TMEM63A: variants seen among roughly 807,000 people sequenced by gnomAD.
TMEM63A encodes the protein transmembrane protein 63A.
Under a neutral mutation model 100.6 loss-of-function variants are expected in TMEM63A, and 76 were observed. The observed-to-expected ratio is 0.76, with a 90% confidence interval of 0.63 to 0.91. The LOEUF is 0.91. TMEM63A is among the 40% of genes least tolerant of loss of function. The pLI is 0.00. For missense variants in TMEM63A, 876 were observed against 1,008.8 expected, an observed-to-expected ratio of 0.87 and a Z score of 1.78; for synonymous variants, 401 against 401.1, an observed-to-expected ratio of 1.00 and a Z score of 0.00.
rs113592254 is a variant in TMEM63A, at chr1:225,862,988, C to T, written c.747-137G>A. 3.3e-4 allele frequency: 251 copies of T among 759,456 alleles called. No homozygotes were observed. The African/African-American group carries it at 4.1e-3, about 12-fold the overall frequency. 47.0% of individuals were successfully genotyped at this position (759,456 alleles called of 1,614,324 possible). A position where few individuals can be genotyped will look rare whatever the true frequency, so the allele number is the denominator to read the frequency against. ...GGTTTCTGTGCCAGCGGAGACCTCT[C>T]TTCTCTTTGTCTTTTATCCTCCAAA... On this transcript the variant is annotated intron_variant, in intron 10 of 24. Coordinates refer to ENST00000366835, the MANE Select transcript of TMEM63A (RefSeq NM_014698.3). This position sits in a 1 kb window ranked among gnomAD's most constrained non-coding sequence, Gnocchi z 5.1.
Position 225,862,423 on chromosome 1 carries a change from C to A in TMEM63A, c.951+32G>T, listed in dbSNP as rs753949656. ...ATCTGGGGCACCCCGATGCCAATGC[C>A]TCTGCTCCCAGCCGGGGGGTGGGAC... On this transcript the variant is annotated intron_variant, in intron 12 of 24. Transcript: ENST00000366835. The surrounding 1 kb of genome is among the most constrained non-coding windows in gnomAD (Gnocchi z 5.1). 6.2e-7 allele frequency: 1 copy of A among 1,613,800 alleles called. No individual in the cohort carries two copies. The highest frequency in any genetic ancestry group is 8.5e-7 in the Non-Finnish European group (1 of 1,179,814).
Position 225,849,996 on chromosome 1 carries a change from T to G in TMEM63A, c.1987A>C (p.Ile663Leu). 6.2e-7 allele frequency: 1 copy of G among 1,614,162 alleles called. No homozygotes were observed. Among genetic ancestry groups the G allele is most frequent in the Non-Finnish European group, 8.5e-7 (1 of 1,180,038 alleles). The change falls in exon 21 of 25, where the codon ATC becomes CTC. Residue 663 changes from isoleucine (I) to leucine (L), a missense_variant. Ile to Leu is a conservative substitution (Grantham distance 5). This residue lies in a region of TMEM63A where 339 missense variants were observed against 342.3 expected (regional missense o/e 0.99). Coordinates refer to ENST00000366835, the MANE Select transcript of TMEM63A (RefSeq NM_014698.3). ...VYLPAKLEKG[I>L]HFAAVNQALA... The stretch of plus-strand genomic sequence containing the variant: ...GCCTGGTTCACAGCGGCAAAGTGGA[T>G]CCCCTTCTCCAGCTTGGCTGGGAGG...
At chr1:225,842,174 A>C (rs1418558322), downstream of TMEM63A, among the ~76,000 whole-genome samples, 2 of 152,244 alleles carry the variant, frequency 1.3e-5, no homozygotes, top group Non-Finnish European at 2.9e-5. Context: ...CCTGTTTATC[A>C]GATGAGGATG....
In TMEM63A at chr1:225,867,232, C is replaced by A; in HGVS notation, c.515-69G>T. 1 of 1,536,426 alleles carries A rather than the reference C, an allele frequency of 6.5e-7. No individual in the cohort carries two copies. The highest frequency in any genetic ancestry group is 1.1e-5 in the South Asian group (1 of 89,546). ...AGCAGGAGGGGGCGTAACCAATCAG[C>A]CTTGGTTTGTGGAGCTCTGGGGAGG... On this transcript the variant is annotated intron_variant, in intron 7 of 24. Transcript: ENST00000366835. This position sits in a 1 kb window ranked among gnomAD's most constrained non-coding sequence, Gnocchi z 4.6.
In TMEM63A at chr1:225,867,226, A is replaced by C. The variant is rs921703829; in HGVS notation, c.515-63T>G. The C allele has an allele frequency of 6.4e-7, 1 of 1,560,046 alleles. No homozygotes were observed. The highest frequency in any genetic ancestry group is 8.8e-7 in the Non-Finnish European group (1 of 1,131,062). ...TGGGGAAGCAGGAGGGGGCGTAACC[A>C]ATCAGCCTTGGTTTGTGGAGCTCTG... On this transcript the variant is annotated intron_variant, in intron 7 of 24. Coordinates refer to ENST00000366835, the MANE Select transcript of TMEM63A (RefSeq NM_014698.3). This position sits in a 1 kb window ranked among gnomAD's most constrained non-coding sequence, Gnocchi z 4.6.
At chr1:225,854,574 G>A (rs762225082) in intron 18 of TMEM63A, among the ~76,000 whole-genome samples, 55 of 152,214 alleles carry the variant, frequency 3.6e-4, no homozygotes, top group Admixed American at 1.4e-3. Context: ...GGGGAAAGTT[G>A]TAGAGTAGCA....
At chr1:225,848,386 T>A in intron 23 of TMEM63A, 106 bp downstream of exon 23, 1 of 1,219,730 alleles carries the variant, frequency 8.2e-7, no homozygotes, top group East Asian at 2.4e-5. Context: ...CCATGTGATC[T>A]TAGCAAGAGA....
At chr1:225,863,882 T>C (rs755629553) in intron 10 of TMEM63A, 1 of 113,774 alleles carries the variant, frequency 8.8e-6, no homozygotes, top group Non-Finnish European at 1.6e-5. Context: ...CCCACTGCAC[T>C]CCAGCCTGGG....
chr1:225,876,793 G>A (rs527472432), intron 3 of TMEM63A, among the ~76,000 whole-genome samples: 3 of 152,030 alleles, frequency 2.0e-5, no homozygotes, highest in South Asian at 4.2e-4. Context: ...GATTACAGGC[G>A]CCGACCACCA....
chr1:225,863,067 G>A (rs1369527958), intron 10 of TMEM63A: 5 of 559,966 alleles, frequency 8.9e-6, no homozygotes, highest in Non-Finnish European at 1.6e-5. Flanking sequence ...GTTTTGTTTT[G>A]TTTAGAGACA....
intron 4 of TMEM63A, among the ~76,000 whole-genome samples, chr1:225,872,942 C>T (rs1356368167): frequency 6.6e-6 from 1 of 152,114 alleles, no homozygotes; most frequent in African/African-American, 2.4e-5. Flanking sequence ...TCCACCCCCG[C>T]CTCGGCCTCC....
At position 225,865,702 on chromosome 1, in the gene TMEM63A, A is replaced by G; in HGVS notation, c.746+195T>C. 1.7e-6 allele frequency: 1 copy of G among 593,924 alleles called. No homozygotes were observed. Among genetic ancestry groups the G allele is most frequent in the Non-Finnish European group, 3.0e-6 (1 of 332,458 alleles). 36.8% of individuals were successfully genotyped at this position (593,924 alleles called of 1,614,324 possible). A position where few individuals can be genotyped will look rare whatever the true frequency, so the allele number is the denominator to read the frequency against. On this transcript the variant is annotated intron_variant, in intron 10 of 24. Transcript: ENST00000366835. The surrounding 1 kb of genome is among the most constrained non-coding windows in gnomAD (Gnocchi z 4.6). ...AGGATAGGCCACCAGGGCGCTATTC[A>G]CTGCACAGCACCAGCAGGGCTGGCA...
chr1:225,868,147 C>A, intron 6 of TMEM63A, 117 bp from the exon 7 acceptor site: 1 of 1,310,768 alleles, frequency 7.6e-7, no homozygotes, highest in South Asian at 1.5e-5. Context: ...GCTATCCCCA[C>A]ATTTTTGTTC....
intron 13 of TMEM63A, 70 bp from the exon 14 acceptor site, chr1:225,861,067 G>A (rs2102618443): frequency 6.5e-7 from 1 of 1,534,334 alleles, no homozygotes; most frequent in East Asian, 2.3e-5. Context: ...GGCAAGTGGG[G>A]ACTGAGTAGG....
intron 22 of TMEM63A, 114 bp downstream of exon 22, chr1:225,848,783 G>A: frequency 1.1e-6 from 1 of 946,072 alleles, no homozygotes; most frequent in East Asian, 2.6e-5. Context: ...GCAGAATCTG[G>A]AGAAGGCTGC....
intron 20 of TMEM63A, among the ~76,000 whole-genome samples, chr1:225,851,366 TTTTTTTA>T (rs1331637588): frequency 6.6e-6 from 1 of 152,142 alleles, no homozygotes; most frequent in East Asian, 1.9e-4. Context: ...GGTTCTTTTG[TTTTTTTA>T]TTTTTTATTT....
In TMEM63A at chr1:225,845,620, A is replaced by G; in HGVS notation, c.*1319T>C. 1 of 529,256 alleles carries G rather than the reference A, an allele frequency of 1.9e-6. No individual in the cohort carries two copies. Among genetic ancestry groups the G allele is most frequent in the South Asian group, 2.1e-5 (1 of 48,772 alleles). The allele number at this position is 529,256 out of a possible 1,614,324, so 32.8% of individuals were successfully genotyped here. A position where few individuals can be genotyped will look rare whatever the true frequency, so the allele number is the denominator to read the frequency against. On this transcript the variant is annotated 3_prime_UTR_variant, in exon 25 of 25. Coordinates refer to ENST00000366835, the MANE Select transcript of TMEM63A (RefSeq NM_014698.3). The stretch of plus-strand genomic sequence containing the variant: ...TGACCCCACATGGGGCCCCCTGTGC[A>G]AGCAGAGCTGGCCGGCCCCTCCTTG...
At chr1:225,857,858 G>A (rs1669722595) in intron 15 of TMEM63A, among the ~76,000 whole-genome samples, 1 of 152,214 alleles carries the variant, frequency 6.6e-6, no homozygotes, top group Non-Finnish European at 1.5e-5. Flanking sequence ...TTAAAAGATT[G>A]GCAAAGGAAT....
At chr1:225,874,182 C>G in intron 4 of TMEM63A, 106 bp downstream of exon 4, 2 of 1,132,810 alleles carry the variant, frequency 1.8e-6, no homozygotes, top group Non-Finnish European at 1.3e-6. Flanking sequence ...CACACACACA[C>G]ACTATACACA....
Sources: allele counts gnomAD v4.1 joint callset (sites outside exome capture counted in the v4.1 genomes callset), GRCh38; gene constraint gnomAD v4.1.1; regional missense constraint gnomAD v4.1.1; non-coding constraint Gnocchi (gnomAD v3.1); transcripts MANE v1.5; gene names NCBI Gene and HGNC (gene_info 2026-07-23, HGNC 2026-07-21).